Variants in NALF1 observed in about 807,000 individuals in gnomAD.
The protein encoded by NALF1 is family with sequence similarity 155 member A.
Under a neutral mutation model 48.4 loss-of-function variants are expected in NALF1, and 3 were observed. The observed-to-expected ratio is 0.06, with a 90% CI of 0.03 to 0.16. NALF1 has a LOEUF of 0.16. NALF1 is among the 10% of genes least tolerant of loss of function. The pLI, the probability that NALF1 is intolerant of heterozygous loss-of-function variation, is 1.00. For synonymous variants in NALF1, 262 were observed against 245.7 expected (o/e 1.07, Z -0.62); for missense variants, 526 against 571.5 (o/e 0.92, Z 0.81).
rs182353524 is a variant in NALF1 at position 107,211,528 on chromosome 13, G to A, written c.916-773C>T. On this transcript the variant is annotated intron_variant, in intron 1 of 2. Coordinates refer to ENST00000375915, the MANE Select transcript of NALF1 (RefSeq NM_001080396.3). ...ACTTCATTCATCTCTTTGTTTTGGT[G>A]GCTATTTGGGAAAACAAACATTGAA... Among the ~76,000 whole-genome samples the A allele has an allele frequency of 3.6e-4, 55 of 152,232 alleles. 2 individuals are homozygous for A. In the East Asian group the frequency reaches 0.01, roughly 28 times the overall value.
chr13:107,196,881 G>A (rs1472799859), intron 2 of NALF1, among the ~76,000 whole-genome samples: 1 of 152,128 alleles, frequency 6.6e-6, no homozygotes, highest in Non-Finnish European at 1.5e-5. Flanking sequence ...GGATAGACAT[G>A]ATAAATTTGT....
intron 1 of NALF1, among the ~76,000 whole-genome samples, chr13:107,498,230 T>G (rs1875401390): frequency 6.6e-6 from 1 of 152,082 alleles, no homozygotes. Context: ...AAAATATTAA[T>G]CACATGGCAA....
chr13:107,221,157 A>G (rs1421913529), intron 1 of NALF1, among the ~76,000 whole-genome samples: 1 of 152,154 alleles, frequency 6.6e-6, no homozygotes, highest in Non-Finnish European at 1.5e-5. Flanking sequence ...GGTGAGAGAT[A>G]GAAAACTACC....
intron 1 of NALF1, among the ~76,000 whole-genome samples, chr13:107,595,025 T>C (rs543473735): frequency 6.8e-4 from 104 of 152,262 alleles, no homozygotes; most frequent in African/African-American, 2.4e-3. Context: ...ATCCCAATAA[T>C]TAATTTAGCA....
intron 2 of NALF1, among the ~76,000 whole-genome samples, chr13:107,172,719 C>A (rs1298780600): frequency 1.2e-4 from 18 of 152,026 alleles, no homozygotes; most frequent in Admixed American, 1.1e-3. Flanking sequence ...CTACATTCTA[C>A]AACAAAAGGA....
At chr13:107,818,386 T>C (rs1879238482) in intron 1 of NALF1, among the ~76,000 whole-genome samples, 1 of 152,128 alleles carries the variant, frequency 6.6e-6, no homozygotes, top group Admixed American at 6.5e-5. Flanking sequence ...GGACAGCACC[T>C]GGCCAGGAAT....
At chr13:107,452,906 T>A (rs958970696) in intron 1 of NALF1, among the ~76,000 whole-genome samples, 3 of 152,178 alleles carry the variant, frequency 2.0e-5, no homozygotes, top group Admixed American at 6.5e-5. Flanking sequence ...ACAGGCCCCA[T>A]GCAAGTCTGA....
intron 1 of NALF1, among the ~76,000 whole-genome samples, chr13:107,330,117 G>A (rs1364180832): frequency 6.6e-6 from 1 of 152,146 alleles, no homozygotes; most frequent in Non-Finnish European, 1.5e-5. Context: ...AGAGAAGGCT[G>A]CACTGAATAG....
chr13:107,708,314 T>C (rs1358002169), intron 1 of NALF1, among the ~76,000 whole-genome samples: 2 of 152,166 alleles, frequency 1.3e-5, no homozygotes, highest in Non-Finnish European at 2.9e-5. Context: ...TTATGGATGC[T>C]CCCTCAGTTA....
At chr13:107,256,165 A>T (rs1880809939) in intron 1 of NALF1, among the ~76,000 whole-genome samples, 1 of 152,248 alleles carries the variant, frequency 6.6e-6, no homozygotes, top group Non-Finnish European at 1.5e-5. Flanking sequence ...TATATTAAAA[A>T]CAAAGATAAA....
intron 1 of NALF1, among the ~76,000 whole-genome samples, chr13:107,389,229 T>C (rs1018979048): frequency 1.3e-5 from 2 of 152,192 alleles, no homozygotes; most frequent in Admixed American, 6.5e-5. Context: ...CTTACCACAT[T>C]GTAACACACT....
chr13:107,492,074 A>G (rs1305869685), intron 1 of NALF1, among the ~76,000 whole-genome samples: 1 of 119,262 alleles, frequency 8.4e-6, no homozygotes, highest in Non-Finnish European at 1.6e-5. Context: ...GCAGAGTATC[A>G]CTCTGTCGCC....
At chr13:107,271,805 TATATA>T (rs370113787) in intron 1 of NALF1, among the ~76,000 whole-genome samples, 29,950 of 93,538 alleles carry the variant, frequency 0.32, 4,505 homozygotes, top group Non-Finnish European at 0.44. Flanking sequence ...TATATATATA[TATATA>T]TATATATTTA....
At chr13:107,210,470 C>T (rs551819394) in intron 2 of NALF1, 114 bp downstream of exon 2, 4 of 746,482 alleles carry the variant, frequency 5.4e-6, no homozygotes, top group African/African-American at 3.5e-5. Flanking sequence ...CGGAAAACTA[C>T]CAGCCGCATC....
chr13:107,781,906 C>G (rs1877898964), intron 1 of NALF1, among the ~76,000 whole-genome samples: 1 of 152,132 alleles, frequency 6.6e-6, no homozygotes, highest in Non-Finnish European at 1.5e-5. Flanking sequence ...ATAAATGAAC[C>G]AAACACTGTT....
At chr13:107,623,446 G>GAA (rs916920212) in intron 1 of NALF1, among the ~76,000 whole-genome samples, 194 of 125,898 alleles carry the variant, frequency 1.5e-3, no homozygotes, top group African/African-American at 4.9e-3. Flanking sequence ...AAAGAAATTA[G>GAA]AAAAAAAAAA....
chr13:107,321,842 C>T (rs1046034980), intron 1 of NALF1, among the ~76,000 whole-genome samples: 1 of 152,068 alleles, frequency 6.6e-6, no homozygotes, highest in African/African-American at 2.4e-5. Context: ...TATCCATATC[C>T]TTGTTTAAAA....
intron 1 of NALF1, among the ~76,000 whole-genome samples, chr13:107,344,121 C>T (rs1161841663): frequency 2.0e-5 from 3 of 151,986 alleles, no homozygotes; most frequent in Non-Finnish European, 4.4e-5. Context: ...AATATAAAGT[C>T]TACCAAGACT....
intron 1 of NALF1, among the ~76,000 whole-genome samples, chr13:107,233,438 C>T (rs1446363819): frequency 6.6e-6 from 1 of 152,100 alleles, no homozygotes; most frequent in Non-Finnish European, 1.5e-5. Flanking sequence ...CATAAACTAG[C>T]CATTTAGTAG....
Sources: gnomAD v4.1 joint callset for allele counts (sites outside exome capture counted in the v4.1 genomes callset) on GRCh38, gnomAD v4.1.1 for gene constraint, MANE v1.5 for transcripts, NCBI Gene and HGNC (gene_info 2026-07-23, HGNC 2026-07-21) for gene names.